UBR4: variants seen among roughly 807,000 people sequenced by gnomAD.
UBR4 encodes the protein ubiquitin protein ligase E3 component n-recognin 4, also known as E3 ubiquitin-protein ligase UBR4.
UBR4 carries 124 observed loss-of-function variants against 575.6 expected under a neutral mutation model. The observed-to-expected ratio is 0.22, with a 90% CI of 0.19 to 0.25. UBR4 has a LOEUF of 0.25. UBR4 is among the 10% of genes least tolerant of loss of function. The pLI is 1.00. For synonymous variants in UBR4, 2,455 were observed against 2,473.7 expected, an observed-to-expected ratio of 0.99 and a Z score of 0.22; for missense variants, 4,818 against 6,478.8, an observed-to-expected ratio of 0.74 and a Z score of 8.80.
intron 11 of UBR4, among the ~76,000 whole-genome samples, 181 bp downstream of exon 11, chr1:19,192,007 T>C (rs914103282): frequency 6.6e-6 from 1 of 152,176 alleles, no homozygotes; most frequent in African/African-American, 2.4e-5. Context: ...GAGTGACTTA[T>C]CTAAAAATCA....
chr1:19,078,095 T>C (rs1260782989), intron 103 of UBR4, 29 bp from the exon 104 acceptor site: 1 of 1,608,334 alleles, frequency 6.2e-7, no homozygotes, highest in Non-Finnish European at 8.5e-7. Flanking sequence ...TTCCATCACA[T>C]GAAGTCCCTA....
chr1:19,106,813 G>A lies in UBR4; in HGVS notation c.12235+24C>T, dbSNP rs190395000. 217 of 1,608,606 alleles carry A rather than the reference G, an allele frequency of 1.3e-4. No individual in the cohort carries two copies. The Admixed American group carries it at 1.6e-3, about 12-fold the overall frequency. On this transcript the variant is annotated intron_variant, in intron 82 of 105. Transcript: ENST00000375254. Reference sequence around the variant, plus strand: ...TGTCAGAGCGCAGGCAGGACTTCCCGGCGTCTTGAAGAGAAAGATATACCT... The same window carrying A: ...TGTCAGAGCGCAGGCAGGACTTCCCAGCGTCTTGAAGAGAAAGATATACCT...
intron 97 of UBR4, among the ~76,000 whole-genome samples, chr1:19,091,599 C>G (rs1018982488): frequency 6.6e-6 from 1 of 152,160 alleles, no homozygotes; most frequent in African/African-American, 2.4e-5. Context: ...ACTAGGAAAA[C>G]GCAGAACCAC....
At chr1:19,108,639 C>T (rs902791646) in intron 81 of UBR4, among the ~76,000 whole-genome samples, 8 of 152,008 alleles carry the variant, frequency 5.3e-5, no homozygotes, top group Admixed American at 4.6e-4. Flanking sequence ...ACAGGGCCAC[C>T]GCCTCGTCAA....
rs2086597821 is a variant in UBR4, at chr1:19,157,415, GA to G, written c.5760+399del. Among the ~76,000 whole-genome samples, 1 of 152,196 alleles carries G rather than the reference GA, an allele frequency of 6.6e-6. No individual in the cohort carries two copies. Among genetic ancestry groups the G allele is most frequent in the Non-Finnish European group, 1.5e-5 (1 of 68,034 alleles). Reference sequence around the variant, plus strand: ...TTACTTATGTGCTTAACAGAGCTGGGATGGCACGGCAGCACTACATAAGCAA... The same window carrying G: ...TTACTTATGTGCTTAACAGAGCTGGGTGGCACGGCAGCACTACATAAGCAA... On this transcript the variant is annotated intron_variant, in intron 40 of 105. Transcript: ENST00000375254. The surrounding 1 kb of genome is among the most constrained non-coding windows in gnomAD (Gnocchi z 4.4).
chr1:19,110,030 A>T lies in UBR4; in HGVS notation c.12105+66T>A. ...CGGAGACCATGAGGAGGCAGGGCACACTGCCAGGGAATGAGGAGGGTGGCC... is the reference window on the plus strand; with the variant it reads ...CGGAGACCATGAGGAGGCAGGGCACTCTGCCAGGGAATGAGGAGGGTGGCC... On this transcript the variant is annotated intron_variant, in intron 81 of 105. Transcript: ENST00000375254. The surrounding 1 kb of genome is among the most constrained non-coding windows in gnomAD (Gnocchi z 4.5). 6.2e-7 allele frequency: 1 copy of T among 1,604,392 alleles called. No individual in the cohort carries two copies. Among genetic ancestry groups the T allele is most frequent in the South Asian group, 1.1e-5 (1 of 89,810 alleles).
rs1048925012 is a variant in UBR4 at position 19,129,159 on chromosome 1, T to C, written c.8907-85A>G. 11 of 1,136,118 alleles carry C rather than the reference T, an allele frequency of 9.7e-6. No homozygotes were observed. In the African/African-American group the frequency reaches 1.7e-4, roughly 18 times the overall value. The allele number at this position is 1,136,118 out of a possible 1,614,324, so 70.4% of individuals were successfully genotyped here. On this transcript the variant is annotated intron_variant, in intron 60 of 105. Coordinates refer to ENST00000375254, the MANE Select transcript of UBR4 (RefSeq NM_020765.3). ...TACAGTTCCCTCCCCAACCCCACCC[T>C]GCTACCAAGGTCAACAAGAAGCCTA...
At chr1:19,082,926 C>A (rs1354706637) in intron 102 of UBR4, among the ~76,000 whole-genome samples, 1 of 152,192 alleles carries the variant, frequency 6.6e-6, no homozygotes, top group Non-Finnish European at 1.5e-5. Context: ...TGACCAAGCT[C>A]CCACCAATGT....
rs377022360 is a variant in UBR4 at position 19,095,606 on chromosome 1, C to T, written c.13565G>A (p.Arg4522Gln). ...CATTTCCAGTTTGACCAGTTGCTGC[C>T]GGTTGACTTTCACCTTCACGCAGTA... ...FSYCVKVKVNRQQLVKLEMNT... is the reference protein window; with the variant it reads ...FSYCVKVKVNQQQLVKLEMNT... Residue 4522 changes from arginine (R) to glutamine (Q), a missense_variant, in exon 93 of 106, where the codon CGG (arginine) becomes CAG (glutamine). Arg to Gln is a conservative substitution (Grantham distance 43, BLOSUM62 1). Transcript: ENST00000375254. 117 of 1,614,092 alleles carry T rather than the reference C, an allele frequency of 7.2e-5. No homozygotes were observed. Among genetic ancestry groups the T allele is most frequent in the Admixed American group, 8.3e-5 (5 of 60,018 alleles).
Position 19,112,872 on chromosome 1 carries a change from G to C in UBR4, c.11458-5C>G. On this transcript the variant is annotated splice_polypyrimidine_tract_variant and splice_region_variant and intron_variant, in intron 77 of 105. Coordinates refer to ENST00000375254, the MANE Select transcript of UBR4 (RefSeq NM_020765.3). ...TTTGCGCGAAGCAAAGACTTTCTAA[G>C]AACAAAAAGGCAACAATAATGGGAA... 1 of 1,548,544 alleles carries C rather than the reference G, an allele frequency of 6.5e-7. No homozygotes were observed. Among genetic ancestry groups the C allele is most frequent in the Non-Finnish European group, 8.7e-7 (1 of 1,145,168 alleles).
intron 8 of UBR4, among the ~76,000 whole-genome samples, chr1:19,196,909 T>C (rs2092487831): frequency 6.6e-6 from 1 of 152,226 alleles, no homozygotes; most frequent in South Asian, 2.1e-4. Flanking sequence ...ATTTAGTATC[T>C]GCACATACTA....
intron 100 of UBR4, among the ~76,000 whole-genome samples, 164 bp from the exon 101 acceptor site, chr1:19,086,434 T>C (rs1032850419): frequency 6.6e-6 from 1 of 152,250 alleles, no homozygotes; most frequent in African/African-American, 2.4e-5. Context: ...GTAGCCTCAA[T>C]GTGGTACACA....
chr1:19,194,438 T>C (rs1450951287), intron 8 of UBR4, among the ~76,000 whole-genome samples: 1 of 152,138 alleles, frequency 6.6e-6, no homozygotes, highest in Non-Finnish European at 1.5e-5. Context: ...CAGTGAGTTA[T>C]AATCGCTCCA....
intron 60 of UBR4, among the ~76,000 whole-genome samples, 164 bp from the exon 61 acceptor site, chr1:19,129,238 G>A (rs951035115): frequency 9.2e-5 from 14 of 151,630 alleles, no homozygotes; most frequent in Middle Eastern, 3.2e-3. Flanking sequence ...CTGCCTAATC[G>A]GTATGCCAGT....
intron 44 of UBR4, among the ~76,000 whole-genome samples, chr1:19,154,217 T>C (rs2086127001): frequency 6.6e-6 from 1 of 152,188 alleles, no homozygotes; most frequent in African/African-American, 2.4e-5. Flanking sequence ...GGCTATCAAC[T>C]GCAGAGGGCC....
At chr1:19,118,177 C>G in intron 71 of UBR4, 1 of 368,304 alleles carries the variant, frequency 2.7e-6, no homozygotes, top group Non-Finnish European at 4.9e-6. Flanking sequence ...AAATTTGACT[C>G]AAGAGTCACA....
chr1:19,158,639 T>G (rs759287025), intron 39 of UBR4, among the ~76,000 whole-genome samples: 3 of 151,900 alleles, frequency 2.0e-5, no homozygotes, highest in Non-Finnish European at 2.9e-5. Flanking sequence ...TTTTGTATAT[T>G]TTTTATAGAG....
chr1:19,095,846 T>C, intron 92 of UBR4, 194 bp from the exon 93 acceptor site: 1 of 543,544 alleles, frequency 1.8e-6, no homozygotes, highest in Non-Finnish European at 3.3e-6. Context: ...GGCTGGTAGC[T>C]CCAATGGCGG....
chr1:19,094,950 T>C lies in UBR4; in HGVS notation c.13702A>G (p.Ile4568Val), dbSNP rs1363127847. 1 of 1,613,922 alleles carries C rather than the reference T, an allele frequency of 6.2e-7. No homozygotes were observed. Among genetic ancestry groups the C allele is most frequent in the Non-Finnish European group, 8.5e-7 (1 of 1,180,028 alleles). ...VAEQVLSIME[I>V]ILDESNAEPL... ...TCAGCATTGGACTCATCTAGAATGA[T>C]CTCCATGATGCTAAGCACCTGCTCA... Residue 4568 changes from isoleucine (I) to valine (V), a missense_variant, in exon 94 of 106, where the codon ATC becomes GTC. By Grantham distance (29) the Ile-to-Val change is conservative. This residue lies in a region of UBR4 where 165 missense variants were observed against 282.3 expected (regional missense o/e 0.58). Coordinates refer to ENST00000375254, the MANE Select transcript of UBR4 (RefSeq NM_020765.3).
Sources: gnomAD v4.1 joint callset for allele counts (sites outside exome capture counted in the v4.1 genomes callset) on GRCh38, gnomAD v4.1.1 for gene constraint, gnomAD v4.1.1 regional missense constraint, Gnocchi (gnomAD v3.1) non-coding constraint, MANE v1.5 for transcripts, NCBI Gene and HGNC (gene_info 2026-07-23, HGNC 2026-07-21) for gene names.